TPRG1: variants seen among roughly 807,000 people sequenced by gnomAD.
TPRG1 encodes the protein tumor protein p63 regulated 1.
TPRG1 carries 29 observed loss-of-function variants against 29.3 expected under a neutral mutation model. The ratio of observed to expected loss-of-function variants is 0.99; its 90% CI spans 0.74 to 1.35. TPRG1 has a LOEUF of 1.35. Ranked by LOEUF, TPRG1 falls within the 40% of genes most tolerant of loss-of-function variation. The pLI, the probability that TPRG1 is intolerant of heterozygous loss-of-function variation, is 0.00. For missense variants in TPRG1, 327 were observed against 335.0 expected, an observed-to-expected ratio of 0.98 and a Z score of 0.19; for synonymous variants, 130 against 116.8, an observed-to-expected ratio of 1.11 and a Z score of -0.73.
rs141396856 is a variant in TPRG1, at chr3:189,209,463, A to T, written c.210+1869A>T. ...ACAGAGTCCAAATCCACTACACATG[A>T]TGATTGTATTGGTGTTGTACCATGT... On this transcript the variant is annotated intron_variant, in intron 2 of 5. Coordinates refer to ENST00000345063, the MANE Select transcript of TPRG1 (RefSeq NM_198485.4). Among the ~76,000 whole-genome samples, 985 of 152,298 alleles carry T rather than the reference A, an allele frequency of 6.5e-3. 4 individuals are homozygous for T. The highest frequency in any genetic ancestry group is 0.01 in the Middle Eastern group (3 of 294).
At chr3:189,115,457 T>C (rs1330495482) in intron 1 of TPRG1, among the ~76,000 whole-genome samples, 1 of 152,190 alleles carries the variant, frequency 6.6e-6, no homozygotes, top group East Asian at 1.9e-4. Context: ...TTGACCTTAG[T>C]GATTGGCAAG....
chr3:189,002,329 T>C (rs1712069156), intron 2 of TPRG1, among the ~76,000 whole-genome samples: 1 of 152,194 alleles, frequency 6.6e-6, no homozygotes, highest in Non-Finnish European at 1.5e-5. Context: ...CAGCTTGTTC[T>C]TGTGAAAACA....
chr3:189,163,983 T>A (rs1486496336), intron 5 of TPRG1, among the ~76,000 whole-genome samples: 1 of 146,090 alleles, frequency 6.8e-6, no homozygotes, highest in Non-Finnish European at 1.5e-5. Flanking sequence ...TAAGGTAAAC[T>A]TTTTGCATAA....
intron 3 of TPRG1, among the ~76,000 whole-genome samples, chr3:189,233,946 C>G (rs1739062553): frequency 6.6e-6 from 1 of 152,166 alleles, no homozygotes; most frequent in South Asian, 2.1e-4. Flanking sequence ...CAATAGCTCA[C>G]TGCAACCTCA....
At chr3:189,201,023 CAG>C (rs1733393724) in intron 1 of TPRG1, among the ~76,000 whole-genome samples, 1 of 152,190 alleles carries the variant, frequency 6.6e-6, no homozygotes, top group Non-Finnish European at 1.5e-5. Context: ...CATGAGGACA[CAG>C]CATTTGTCCC....
intron 4 of TPRG1, among the ~76,000 whole-genome samples, chr3:189,150,062 C>G (rs914203467): frequency 1.3e-5 from 2 of 152,212 alleles, no homozygotes. Context: ...GAATATCACA[C>G]TTTATAACTA....
chr3:189,063,253 A>G (rs1281815816), intron 4 of TPRG1, among the ~76,000 whole-genome samples: 7 of 152,148 alleles, frequency 4.6e-5, no homozygotes. Flanking sequence ...TTCAAAATGC[A>G]TAAAGCAAAA....
chr3:189,019,169 G>A lies in TPRG1; in HGVS notation c.-659-4581G>A, dbSNP rs62291214. 4.7e-3 allele frequency among the ~76,000 whole-genome samples: 714 copies of A among 150,480 alleles called. 2 individuals are homozygous for A. The highest frequency in any genetic ancestry group is 0.015 in the African/African-American group (630 of 40,898). ...GGTTTTCTAGATATACAATCATGTC[G>A]TCTGCAAACAGGGACAATTTGACTT... On this transcript the variant is annotated intron_variant, in intron 3 of 10. Transcript: ENST00000433971.
At chr3:189,261,481 A>G (rs1713035894) in intron 4 of TPRG1, among the ~76,000 whole-genome samples, 1 of 152,084 alleles carries the variant, frequency 6.6e-6, no homozygotes, top group Non-Finnish European at 1.5e-5. Context: ...TTGCAAACAG[A>G]AGGCAGCTCT....
intron 2 of TPRG1, among the ~76,000 whole-genome samples, chr3:189,208,960 G>T (rs376746637): frequency 1.3e-5 from 2 of 152,212 alleles, no homozygotes; most frequent in Non-Finnish European, 2.9e-5. Flanking sequence ...AGGCCAATCA[G>T]TTGGCAGTTG....
At chr3:189,152,106 T>C (rs568556576) in intron 5 of TPRG1, among the ~76,000 whole-genome samples, 1 of 152,294 alleles carries the variant, frequency 6.6e-6, no homozygotes, top group South Asian at 2.1e-4. Context: ...AAGGCTCTTA[T>C]TCTCGTGCTT....
chr3:189,147,829 TG>T (rs1342961617), intron 4 of TPRG1, among the ~76,000 whole-genome samples: 1 of 151,832 alleles, frequency 6.6e-6, no homozygotes, highest in African/African-American at 2.4e-5. Flanking sequence ...CAGATGGGGG[TG>T]GGCAGGAGGT....
At chr3:189,088,974 A>G (rs1029790738) in intron 4 of TPRG1, among the ~76,000 whole-genome samples, 9 of 117,798 alleles carry the variant, frequency 7.6e-5, no homozygotes, top group African/African-American at 3.5e-4. Context: ...ATTGATATCT[A>G]TCTATCTATC....
chr3:189,013,346 T>C (rs1387137246), intron 3 of TPRG1, among the ~76,000 whole-genome samples: 1 of 152,220 alleles, frequency 6.6e-6, no homozygotes, highest in East Asian at 1.9e-4. Flanking sequence ...AATTTCTTAA[T>C]CTTGAGTTCT....
chr3:189,248,525 T>A (rs1184947767), intron 4 of TPRG1, among the ~76,000 whole-genome samples: 1 of 151,402 alleles, frequency 6.6e-6, no homozygotes, highest in East Asian at 1.9e-4. Context: ...TTGCATTTTA[T>A]AACTTCACTT....
intron 4 of TPRG1, among the ~76,000 whole-genome samples, chr3:189,081,796 C>T (rs181535703): frequency 1.8e-4 from 27 of 152,254 alleles, no homozygotes; most frequent in East Asian, 1.9e-4. Flanking sequence ...TATAGCATGT[C>T]GTAGTACCTC....
At chr3:189,225,800 G>A (rs562871470) in intron 3 of TPRG1, among the ~76,000 whole-genome samples, 39 of 152,318 alleles carry the variant, frequency 2.6e-4, no homozygotes, top group South Asian at 1.4e-3. Flanking sequence ...GGTCTGTTCA[G>A]TAGACAGAAC....
At position 189,045,321 on chromosome 3, in the gene TPRG1, T is replaced by A. The variant is rs146172581; in HGVS notation, c.-463+21375T>A. On this transcript the variant is annotated intron_variant, in intron 4 of 10. Coordinates refer to the TPRG1 transcript ENST00000433971. ...AGTCCAGGTCCAATCTTCTACTTCATCTATACAAGTGAATGACTTCTTTAA... is the reference window on the plus strand; with the variant it reads ...AGTCCAGGTCCAATCTTCTACTTCAACTATACAAGTGAATGACTTCTTTAA... 2.3e-4 allele frequency among the ~76,000 whole-genome samples: 35 copies of A among 152,330 alleles called. No individual in the cohort carries two copies. In the East Asian group the frequency reaches 3.1e-3, roughly 13 times the overall value.
At chr3:189,273,647 G>C (rs1440172963) in intron 4 of TPRG1, among the ~76,000 whole-genome samples, 1 of 152,184 alleles carries the variant, frequency 6.6e-6, no homozygotes, top group East Asian at 1.9e-4. Flanking sequence ...CAAAAAAGCA[G>C]TGAATGCACT....
Sources: gnomAD v4.1 joint callset for allele counts (sites outside exome capture counted in the v4.1 genomes callset) on GRCh38, gnomAD v4.1.1 for gene constraint, MANE v1.5 for transcripts, NCBI Gene and HGNC (gene_info 2026-07-23, HGNC 2026-07-21) for gene names.